The following BMERB1 variants were observed in gnomAD, a reference collection of about 807,000 sequenced individuals.
BMERB1 encodes the protein bMERB domain containing 1.
A neutral mutation model predicts 23.6 loss-of-function variants in BMERB1; 12 were observed. That is an observed-to-expected ratio of 0.51 (90% CI 0.33 to 0.82). BMERB1 has a LOEUF of 0.82. BMERB1 is among the 40% of genes least tolerant of loss of function. The probability of loss-of-function intolerance (pLI) is 0.03; values close to 1 mark genes in which losing one functional copy is unlikely to be tolerated. For missense variants in BMERB1, 247 were observed against 255.4 expected (o/e 0.97, Z 0.22); for synonymous variants, 122 against 96.6 (o/e 1.26, Z -1.54).
Position 15,517,762 on chromosome 16 carries a change from G to A in BMERB1, c.230+2334G>A, listed in dbSNP as rs187526366. Reference sequence around the variant, plus strand: ...TGTGTGTGGATATTTGTGTGGATGTGTGTGGATGTGTGTGGATGTGGATGT... The same window carrying A: ...TGTGTGTGGATATTTGTGTGGATGTATGTGGATGTGTGTGGATGTGGATGT... On this transcript the variant is annotated intron_variant, in intron 2 of 5. Coordinates refer to ENST00000300006, the MANE Select transcript of BMERB1 (RefSeq NM_033201.3). Among the ~76,000 whole-genome samples, 820 of 152,070 alleles carry A rather than the reference G, an allele frequency of 5.4e-3. 3 individuals carry two copies. Among genetic ancestry groups the A allele is most frequent in the Admixed American group, 8.7e-3 (133 of 15,274 alleles).
At chr16:15,573,478 G>A (rs1697799495) in intron 3 of BMERB1, among the ~76,000 whole-genome samples, 1 of 152,106 alleles carries the variant, frequency 6.6e-6, no homozygotes, top group Admixed American at 6.5e-5. Flanking sequence ...TTGGGTCGGA[G>A]ATGAAATCAC....
At chr16:15,446,761 T>G (rs2050993432) in intron 1 of BMERB1, among the ~76,000 whole-genome samples, 1 of 152,238 alleles carries the variant, frequency 6.6e-6, no homozygotes. Flanking sequence ...TTCTGTTCTC[T>G]GGCTCATTAA....
chr16:15,503,988 T>G (rs1307634168), intron 1 of BMERB1, among the ~76,000 whole-genome samples: 1 of 152,204 alleles, frequency 6.6e-6, no homozygotes, highest in Non-Finnish European at 1.5e-5. Context: ...TCTCAATGCA[T>G]AGTTATTAAA....
intron 3 of BMERB1, among the ~76,000 whole-genome samples, chr16:15,569,269 C>T (rs1442179639): frequency 6.6e-6 from 1 of 152,080 alleles, no homozygotes; most frequent in Non-Finnish European, 1.5e-5. Context: ...GTTTAATTGG[C>T]TCACAGTCCT....
intron 1 of BMERB1, among the ~76,000 whole-genome samples, chr16:15,456,811 A>G (rs1018745868): frequency 3.9e-5 from 6 of 152,064 alleles, no homozygotes; most frequent in Non-Finnish European, 8.8e-5. Flanking sequence ...ACATTGTCCA[A>G]TTATTTCCTC....
intron 1 of BMERB1, among the ~76,000 whole-genome samples, chr16:15,468,460 C>A (rs191774355): frequency 6.6e-6 from 1 of 152,044 alleles, no homozygotes; most frequent in Non-Finnish European, 1.5e-5. Context: ...GTAAATGTTT[C>A]AATCAGACTT....
In BMERB1 at chr16:15,448,190, G is replaced by A. The variant is rs58099984; in HGVS notation, c.106+13431G>A. Among the ~76,000 whole-genome samples the A allele has an allele frequency of 3.2e-3, 481 of 152,268 alleles. 2 individuals carry two copies. Among genetic ancestry groups the A allele is most frequent in the African/African-American group, 0.011 (447 of 41,562 alleles). ...CAGACATGAGCCACTGCGCCTGGCC[G>A]GAAGTAGCATTTTAGGAAGGCTTGT... is the stretch of plus-strand genomic sequence containing the variant. On this transcript the variant is annotated intron_variant, in intron 1 of 5. Coordinates refer to ENST00000300006, the MANE Select transcript of BMERB1 (RefSeq NM_033201.3).
At chr16:15,506,822 G>A (rs2051597294) in intron 1 of BMERB1, among the ~76,000 whole-genome samples, 1 of 152,178 alleles carries the variant, frequency 6.6e-6, no homozygotes, top group Admixed American at 6.5e-5. Flanking sequence ...CTCAGCTGCA[G>A]CACCCAATTA....
At chr16:15,487,462 C>CTT (rs2051378124) in intron 1 of BMERB1, among the ~76,000 whole-genome samples, 1 of 152,000 alleles carries the variant, frequency 6.6e-6, no homozygotes, top group African/African-American at 2.4e-5. Flanking sequence ...ATATTTTTGT[C>CTT]TTTGAGGGCC....
At chr16:15,549,697 C>T (rs2030026458) in intron 2 of BMERB1, among the ~76,000 whole-genome samples, 2 of 151,552 alleles carry the variant, frequency 1.3e-5, no homozygotes, top group African/African-American at 4.8e-5. Flanking sequence ...AAAAAAATTC[C>T]TAAACAGGAG....
rs531571787 is a variant in BMERB1 at position 15,541,096 on chromosome 16, C to T, written c.230+25668C>T. ...CCAATTACAAACTTGGGGGTTCCCA[C>T]GACCACCTCCTCGGGTTTGATAGTT... is the stretch of plus-strand genomic sequence containing the variant. On this transcript the variant is annotated intron_variant, in intron 2 of 5. Coordinates refer to ENST00000300006, the MANE Select transcript of BMERB1 (RefSeq NM_033201.3). Among the ~76,000 whole-genome samples the T allele has an allele frequency of 4.6e-5, 7 of 152,154 alleles. No homozygotes were observed. In the East Asian group the frequency reaches 1.2e-3, roughly 25 times the overall value.
At chr16:15,533,994 G>C (rs2051996128) in intron 2 of BMERB1, among the ~76,000 whole-genome samples, 1 of 152,080 alleles carries the variant, frequency 6.6e-6, no homozygotes, top group African/African-American at 2.4e-5. Flanking sequence ...TCTGCTCCTA[G>C]GCTTGGTTCC....
chr16:15,521,528 T>A (rs1669748366), intron 2 of BMERB1, among the ~76,000 whole-genome samples: 1 of 152,122 alleles, frequency 6.6e-6, no homozygotes. Flanking sequence ...GGACACCCAC[T>A]TGCCCTGAAT....
At chr16:15,542,810 A>T (rs2052098865) in intron 2 of BMERB1, among the ~76,000 whole-genome samples, 1 of 152,054 alleles carries the variant, frequency 6.6e-6, no homozygotes, top group Non-Finnish European at 1.5e-5. Flanking sequence ...CTTGGCTGCC[A>T]CTGCATCAAA....
intron 1 of BMERB1, among the ~76,000 whole-genome samples, chr16:15,490,395 G>A (rs7498370): frequency 0.91 from 137,804 of 152,206 alleles, 63,970 homozygotes; most frequent in East Asian, 1. Context: ...TGATCCTCCT[G>A]CCTCAACCTT....
At chr16:15,490,605 A>C (rs570002631) in intron 1 of BMERB1, among the ~76,000 whole-genome samples, 2 of 152,260 alleles carry the variant, frequency 1.3e-5, no homozygotes, top group African/African-American at 4.8e-5. Flanking sequence ...TTTAGACCCC[A>C]CTTTCTTGTC....
chr16:15,448,777 G>A (rs1032966144), intron 1 of BMERB1, among the ~76,000 whole-genome samples: 3 of 152,160 alleles, frequency 2.0e-5, no homozygotes, highest in Non-Finnish European at 4.4e-5. Flanking sequence ...AGGCGACAGA[G>A]CAAGAATCTG....
At chr16:15,577,303 T>G (rs552853465) in intron 3 of BMERB1, 1 of 152,284 alleles carries the variant, frequency 6.6e-6, no homozygotes, top group East Asian at 1.9e-4. Flanking sequence ...AGAAAATGAT[T>G]TGGGGGTTGC....
At position 15,499,364 on chromosome 16, in the gene BMERB1, C is replaced by T. The variant is rs576987238; in HGVS notation, c.107-15941C>T. 2.2e-3 allele frequency among the ~76,000 whole-genome samples: 328 copies of T among 151,996 alleles called. 1 individual carries two copies. Among genetic ancestry groups the T allele is most frequent in the African/African-American group, 7.6e-3 (315 of 41,454 alleles). ...AGTGAGCCGAGATCACACCACTGCA[C>T]TCCAGCCTGGGAGACAGAATGAGAC... On this transcript the variant is annotated intron_variant, in intron 1 of 5. Coordinates refer to ENST00000300006, the MANE Select transcript of BMERB1 (RefSeq NM_033201.3).
Sources: gnomAD v4.1 joint callset for allele counts (sites outside exome capture counted in the v4.1 genomes callset) on GRCh38, gnomAD v4.1.1 for gene constraint, MANE v1.5 for transcripts, NCBI Gene and HGNC (gene_info 2026-07-23, HGNC 2026-07-21) for gene names.